FABP12: variants seen among roughly 807,000 people sequenced by gnomAD.
FABP12 encodes the protein fatty acid binding protein 12.
A neutral mutation model predicts 13.7 loss-of-function variants in FABP12; 19 were observed. The observed-to-expected ratio is 1.39, with a 90% CI of 0.97 to 2.04. FABP12 has a LOEUF of 2.04. FABP12 is among the 30% of genes most tolerant of loss of function. The pLI, the probability that FABP12 is intolerant of heterozygous loss-of-function variation, is 0.00. For missense variants in FABP12, 182 were observed against 164.2 expected, an observed-to-expected ratio of 1.11 and a Z score of -0.59; for synonymous variants, 61 against 57.0, an observed-to-expected ratio of 1.07 and a Z score of -0.32.
At chr8:81,537,927 G>T (rs1373662379), upstream of FABP12, among the ~76,000 whole-genome samples, 1 of 152,136 alleles carries the variant, frequency 6.6e-6, no homozygotes. Context: ...TTGCTATAAA[G>T]GAATACCTGA....
At chr8:81,542,276 T>C (rs1809363299) in intron 1 of FABP12, among the ~76,000 whole-genome samples, 1 of 152,114 alleles carries the variant, frequency 6.6e-6, no homozygotes, top group South Asian at 2.1e-4. Flanking sequence ...GAGAACTTAC[T>C]CCTTAAAAAT....
At chr8:81,589,957 G>A (rs1054822229) in intron 1 of FABP12, among the ~76,000 whole-genome samples, 2 of 152,092 alleles carry the variant, frequency 1.3e-5, no homozygotes, top group African/African-American at 4.8e-5. Context: ...AGACAACATT[G>A]TATTATTTAC....
chr8:81,578,813 A>G (rs1585859846), intron 1 of FABP12, among the ~76,000 whole-genome samples: 2 of 68,206 alleles, frequency 2.9e-5, no homozygotes, highest in East Asian at 8.8e-4. Context: ...AATCTGACAC[A>G]TTTGTTCAAG....
intron 1 of FABP12, among the ~76,000 whole-genome samples, chr8:81,541,926 A>T (rs1054896399): frequency 7.6e-5 from 11 of 144,212 alleles, no homozygotes; most frequent in Admixed American, 2.0e-4. Flanking sequence ...AAAAAAAAAA[A>T]AAAAAAAAAA....
intron 1 of FABP12, among the ~76,000 whole-genome samples, chr8:81,561,231 T>C (rs1809719683): frequency 2.0e-5 from 3 of 152,138 alleles, no homozygotes; most frequent in Non-Finnish European, 4.4e-5. Flanking sequence ...TCTGAAAGAA[T>C]AAAATGATAA....
At chr8:81,556,619 G>A (rs1809620956) in intron 1 of FABP12, among the ~76,000 whole-genome samples, 1 of 151,098 alleles carries the variant, frequency 6.6e-6, no homozygotes, top group Non-Finnish European at 1.5e-5. Context: ...AAATATTAAA[G>A]TAGGAAAATA....
At chr8:81,568,134 A>G (rs1160519025) in intron 1 of FABP12, among the ~76,000 whole-genome samples, 1 of 151,630 alleles carries the variant, frequency 6.6e-6, no homozygotes, top group Non-Finnish European at 1.5e-5. Flanking sequence ...CGTCTCAAAA[A>G]AAAAAAAAAA....
chr8:81,546,481 G>T (rs1040642159), intron 1 of FABP12, among the ~76,000 whole-genome samples: 1 of 149,022 alleles, frequency 6.7e-6, no homozygotes, highest in Non-Finnish European at 1.5e-5. Context: ...GTGAAACCCC[G>T]TGTCTACTAA....
chr8:81,584,257 G>A (rs897044544), intron 1 of FABP12, among the ~76,000 whole-genome samples: 10 of 152,184 alleles, frequency 6.6e-5, no homozygotes, highest in Non-Finnish European at 1.3e-4. Context: ...TCAAAGGCGT[G>A]GTGTTAGACT....
intron 1 of FABP12, among the ~76,000 whole-genome samples, chr8:81,568,071 C>T (rs956569959): frequency 2.0e-5 from 3 of 150,030 alleles, no homozygotes; most frequent in Admixed American, 6.6e-5. Context: ...TGCAGTGAGC[C>T]GAGATTGCGC....
chr8:81,581,494 A>G (rs2556575), intron 1 of FABP12, among the ~76,000 whole-genome samples: 107,497 of 151,990 alleles, frequency 0.71, 39,150 homozygotes, highest in Non-Finnish European at 0.8. Context: ...CTAAACAGAT[A>G]CAGTGCCAAA....
intron 4 of FABP12, chr8:81,526,051 T>C (rs1198231388): frequency 6.6e-6 from 1 of 152,190 alleles, no homozygotes; most frequent in Non-Finnish European, 1.5e-5. Flanking sequence ...AGCTTTCTGT[T>C]TATTGGCTAA....
At chr8:81,529,468 C>T (rs755418863) in exon 3 of FABP12, 6 of 1,613,818 alleles carry the variant, frequency 3.7e-6, no homozygotes, top group Non-Finnish European at 4.2e-6. Context: ...GCGTGATTTC[C>T]TCAAACTCTT....
At chr8:81,581,860 A>C (rs1449559641) in intron 1 of FABP12, among the ~76,000 whole-genome samples, 1 of 152,218 alleles carries the variant, frequency 6.6e-6, no homozygotes, top group African/African-American at 2.4e-5. Context: ...AGCAGTATCT[A>C]CCATCATGAA....
upstream of FABP12, among the ~76,000 whole-genome samples, chr8:81,537,747 C>T (rs760761899): frequency 1.8e-4 from 28 of 152,150 alleles, no homozygotes; most frequent in Non-Finnish European, 3.5e-4. Flanking sequence ...TGCTGCTACT[C>T]AAATGCACAC....
At chr8:81,584,458 T>C (rs534976981) in intron 1 of FABP12, among the ~76,000 whole-genome samples, 7 of 152,306 alleles carry the variant, frequency 4.6e-5, no homozygotes, top group South Asian at 2.1e-4. Flanking sequence ...AGCAGATACC[T>C]ACAGTTTTTA....
At chr8:81,531,704 C>G (rs1376334112) in intron 1 of FABP12, among the ~76,000 whole-genome samples, 1 of 152,196 alleles carries the variant, frequency 6.6e-6, no homozygotes, top group Non-Finnish European at 1.5e-5. Context: ...GCCCAGGTCT[C>G]TCTCTCTGTC....
intron 1 of FABP12, chr8:81,533,285 G>A (rs950121179): frequency 1.2e-4 from 18 of 152,354 alleles, no homozygotes; most frequent in African/African-American, 4.3e-4. Context: ...CTACTCTGTT[G>A]TTCAGTGCCT....
upstream of FABP12, among the ~76,000 whole-genome samples, chr8:81,534,513 G>T (rs1809173964): frequency 6.6e-6 from 1 of 152,168 alleles, no homozygotes; most frequent in Non-Finnish European, 1.5e-5. Flanking sequence ...CATATTCTGT[G>T]TTGAATGTGT....
Sources: allele counts gnomAD v4.1 joint callset (sites outside exome capture counted in the v4.1 genomes callset), GRCh38; gene constraint gnomAD v4.1.1; transcripts MANE v1.5; gene names NCBI Gene and HGNC (gene_info 2026-07-23, HGNC 2026-07-21).